TBC1D32: variants seen among roughly 807,000 people sequenced by gnomAD.
TBC1D32 encodes the protein protein broad-minded.
TBC1D32 carries 151 observed loss-of-function variants against 170.3 expected under a neutral mutation model. The ratio of observed to expected loss-of-function variants is 0.89; its 90% CI spans 0.78 to 1.01. The LOEUF is 1.01. Among genes scored for constraint, TBC1D32 ranks in the 50% least tolerant of loss-of-function variants. The probability of loss-of-function intolerance (pLI) is 0.00; values close to 1 mark genes in which losing one functional copy is unlikely to be tolerated. For missense variants in TBC1D32, 1,464 were observed against 1,457.1 expected (o/e 1.00, Z -0.08); for synonymous variants, 498 against 488.0 (o/e 1.02, Z -0.27).
At position 121,184,628 on chromosome 6, in the gene TBC1D32, T is replaced by A. The variant is rs139288732; in HGVS notation, c.2570+20447A>T. ...GCAGCCTCCAAGTTCAGATAGTCTA[T>A]CACTTGGACCTTTACTCCAGCAGGT... On this transcript the variant is annotated intron_variant, in intron 22 of 31. Transcript: ENST00000398212. 2.4e-4 allele frequency among the ~76,000 whole-genome samples: 37 copies of A among 152,050 alleles called. No homozygotes were observed. The East Asian group carries it at 6.8e-3, about 28-fold the overall frequency.
Position 121,080,692 on chromosome 6 carries a change from C to T in TBC1D32, c.*79G>A, listed in dbSNP as rs1775550725. 2 of 1,497,488 alleles carry T rather than the reference C, an allele frequency of 1.3e-6. No homozygotes were observed. The highest frequency in any genetic ancestry group is 1.8e-6 in the Non-Finnish European group (2 of 1,117,236). The allele number at this position is 1,497,488 out of a possible 1,614,324, so 92.8% of individuals were successfully genotyped here. On this transcript the variant is annotated 3_prime_UTR_variant, in exon 32 of 32. Coordinates refer to ENST00000398212, the MANE Select transcript of TBC1D32 (RefSeq NM_152730.6). ...TATATTCACAAAGTAAATGTTGTTACAGACACAGAAAAACATCAAGCCCCC... is the reference window on the plus strand; with the variant it reads ...TATATTCACAAAGTAAATGTTGTTATAGACACAGAAAAACATCAAGCCCCC...
rs1775535532 is a variant in TBC1D32 at position 121,080,501 on chromosome 6, A to C, written c.*270T>G. 3.4e-6 allele frequency: 1 copy of C among 292,228 alleles called. No individual in the cohort carries two copies. Among genetic ancestry groups the C allele is most frequent in the East Asian group, 8.3e-5 (1 of 12,002 alleles). 18.1% of individuals were successfully genotyped at this position (292,228 alleles called of 1,614,324 possible). On this transcript the variant is annotated 3_prime_UTR_variant, in exon 32 of 32. Coordinates refer to ENST00000398212, the MANE Select transcript of TBC1D32 (RefSeq NM_152730.6). ...AGTGCTGGGATTACAGGCATGAGCC[A>C]CCGCGCCTGGCCAGGACTAACTCTT...
intron 21 of TBC1D32, among the ~76,000 whole-genome samples, chr6:121,213,182 A>G (rs1260644793): frequency 6.6e-6 from 1 of 152,092 alleles, no homozygotes; most frequent in African/African-American, 2.4e-5. Context: ...TCAACATAGT[A>G]TTGGAAGTCT....
At chr6:121,146,415 C>T (rs953281397) in intron 24 of TBC1D32, among the ~76,000 whole-genome samples, 11 of 152,264 alleles carry the variant, frequency 7.2e-5, no homozygotes, top group East Asian at 3.9e-4. Context: ...AAATTGGCAC[C>T]GATGTAGTTA....
intron 15 of TBC1D32, among the ~76,000 whole-genome samples, chr6:121,263,526 T>C (rs1800051316): frequency 2.0e-5 from 3 of 151,586 alleles, no homozygotes; most frequent in Admixed American, 2.0e-4. Flanking sequence ...TATGAGACAG[T>C]GGGGTATTAA....
chr6:121,310,173 T>C lies in TBC1D32; in HGVS notation c.564+606A>G, dbSNP rs191562962. On this transcript the variant is annotated intron_variant, in intron 4 of 31. Coordinates refer to ENST00000398212, the MANE Select transcript of TBC1D32 (RefSeq NM_152730.6). Reference sequence around the variant, plus strand: ...GGAGAAGTAAATTCAAGAGATCTACTGTATAACATGATGACATGATGACTA... The same window carrying C: ...GGAGAAGTAAATTCAAGAGATCTACCGTATAACATGATGACATGATGACTA... Among the ~76,000 whole-genome samples the C allele has an allele frequency of 3.0e-3, 451 of 152,230 alleles. 6 individuals are homozygous for C. The highest frequency in any genetic ancestry group is 0.011 in the African/African-American group (437 of 41,548).
intron 12 of TBC1D32, among the ~76,000 whole-genome samples, chr6:121,291,321 G>C (rs1052792643): frequency 4.6e-5 from 7 of 152,012 alleles, no homozygotes; most frequent in African/African-American, 1.7e-4. Flanking sequence ...TCTAAGGATA[G>C]TTGTTTCAGG....
chr6:121,293,783 C>T (rs1583611157), intron 11 of TBC1D32, among the ~76,000 whole-genome samples: 2 of 151,994 alleles, frequency 1.3e-5, no homozygotes, highest in Non-Finnish European at 2.9e-5. Flanking sequence ...TGGTGGCAGG[C>T]ACCTGTACTC....
chr6:121,212,773 T>G (rs1014592293), intron 21 of TBC1D32, among the ~76,000 whole-genome samples: 1 of 152,062 alleles, frequency 6.6e-6, no homozygotes, highest in Admixed American at 6.5e-5. Flanking sequence ...GGCCAATATC[T>G]TTGATGAACT....
At chr6:121,210,994 AAT>A (rs1491340083) in intron 21 of TBC1D32, among the ~76,000 whole-genome samples, 3 of 141,556 alleles carry the variant, frequency 2.1e-5, no homozygotes, top group Admixed American at 6.9e-5. Context: ...CAATAAAAAA[AAT>A]ATAGACACAC....
intron 26 of TBC1D32, among the ~76,000 whole-genome samples, chr6:121,119,173 T>C (rs1403684063): frequency 1.3e-5 from 2 of 152,198 alleles, no homozygotes; most frequent in Admixed American, 6.5e-5. Context: ...CAAATTCAAA[T>C]AGCATATTAA....
intron 10 of TBC1D32, among the ~76,000 whole-genome samples, chr6:121,296,858 A>C (rs1318505261): frequency 6.6e-6 from 1 of 152,154 alleles, no homozygotes; most frequent in Non-Finnish European, 1.5e-5. Context: ...AGAAGACAAA[A>C]GAACAAACAA....
intron 11 of TBC1D32, among the ~76,000 whole-genome samples, chr6:121,292,725 AAAAGG>A (rs1252135762): frequency 6.6e-6 from 1 of 152,202 alleles, no homozygotes; most frequent in Non-Finnish European, 1.5e-5. Flanking sequence ...GCAGGCTAAG[AAAAGG>A]AAATATTGAT....
At chr6:121,089,812 CTGTT>C (rs1236420231) in intron 31 of TBC1D32, among the ~76,000 whole-genome samples, 5 of 151,842 alleles carry the variant, frequency 3.3e-5, no homozygotes, top group Non-Finnish European at 2.9e-5. Context: ...TACATAGAAA[CTGTT>C]TGTTGACCTA....
intron 21 of TBC1D32, among the ~76,000 whole-genome samples, chr6:121,220,258 A>C (rs1362875958): frequency 2.6e-5 from 4 of 152,174 alleles, no homozygotes; most frequent in Non-Finnish European, 5.9e-5. Flanking sequence ...TGCAAAGAAA[A>C]AGTTCTTTAA....
chr6:121,181,873 A>C (rs1385344661), intron 22 of TBC1D32, among the ~76,000 whole-genome samples: 1 of 152,128 alleles, frequency 6.6e-6, no homozygotes, highest in Non-Finnish European at 1.5e-5. Flanking sequence ...AACCAGGCAC[A>C]AAAAGGCATA....
intron 20 of TBC1D32, among the ~76,000 whole-genome samples, chr6:121,232,403 G>A (rs950560788): frequency 5.9e-5 from 9 of 151,950 alleles, no homozygotes; most frequent in Non-Finnish European, 1.3e-4. Flanking sequence ...TTGGCTATGC[G>A]GGCTCTTTGT....
intron 3 of TBC1D32, 131 bp from the exon 4 acceptor site, chr6:121,310,978 T>C (rs1176457673): frequency 6.3e-6 from 4 of 634,446 alleles, no homozygotes; most frequent in East Asian, 2.7e-5. Context: ...CTATTTTGAT[T>C]TGGCAGCAAC....
Position 121,303,781 on chromosome 6 carries a change from G to C in TBC1D32, c.936-20C>G. The C allele has an allele frequency of 6.7e-7, 1 of 1,484,104 alleles. No homozygotes were observed. Among genetic ancestry groups the C allele is most frequent in the Non-Finnish European group, 9.1e-7 (1 of 1,097,424 alleles). 91.9% of individuals were successfully genotyped at this position (1,484,104 alleles called of 1,614,324 possible). ...ATATACCTTAAAGTTTGGGAAAAAAGAAATACAATTACACATATAGTTCTG... is the reference window on the plus strand; with the variant it reads ...ATATACCTTAAAGTTTGGGAAAAAACAAATACAATTACACATATAGTTCTG... On this transcript the variant is annotated intron_variant, in intron 8 of 31. Transcript: ENST00000398212.
Sources: allele counts gnomAD v4.1 joint callset (sites outside exome capture counted in the v4.1 genomes callset), GRCh38; gene constraint gnomAD v4.1.1; transcripts MANE v1.5; gene names NCBI Gene and HGNC (gene_info 2026-07-23, HGNC 2026-07-21).